AOAH: variants seen among roughly 807,000 people sequenced by gnomAD.
The protein encoded by AOAH is acyloxyacyl hydrolase (neutrophil).
A neutral mutation model predicts 92.2 loss-of-function variants in AOAH; 64 were observed. That is an observed-to-expected ratio of 0.69 (90% CI 0.57 to 0.86). The LOEUF (loss-of-function observed/expected upper bound fraction) is 0.86. Ranked by LOEUF, AOAH falls within the 40% of genes least tolerant of loss-of-function variation. The probability of loss-of-function intolerance (pLI) is 0.00; values close to 1 mark genes in which losing one functional copy is unlikely to be tolerated. For synonymous variants in AOAH, 263 were observed against 254.5 expected, an observed-to-expected ratio of 1.03 and a Z score of -0.32; for missense variants, 656 against 694.6, an observed-to-expected ratio of 0.94 and a Z score of 0.62.
At chr7:36,678,221 A>T (rs4555998) in intron 2 of AOAH, among the ~76,000 whole-genome samples, 73,729 of 151,972 alleles carry the variant, frequency 0.49, 19,124 homozygotes, top group East Asian at 0.57. Context: ...GTATACTCAG[A>T]GACCTGCATT....
intron 1 of AOAH, among the ~76,000 whole-genome samples, chr7:36,688,851 A>ATGTATATGTATATG (rs1797208031): frequency 6.6e-6 from 1 of 152,034 alleles, no homozygotes; most frequent in African/African-American, 2.4e-5. Context: ...ATATGTGTAT[A>ATGTATATGTATATG]TGTATATGTG....
At chr7:36,707,506 A>G (rs10251228) in intron 1 of AOAH, among the ~76,000 whole-genome samples, 86,680 of 152,028 alleles carry the variant, frequency 0.57, 24,987 homozygotes, top group East Asian at 0.83. Context: ...AAACGGTGCC[A>G]ATAGACTTGT....
At chr7:36,576,475 G>T in intron 13 of AOAH, 99 bp downstream of exon 13, 1 of 717,272 alleles carries the variant, frequency 1.4e-6, no homozygotes, top group Non-Finnish European at 2.3e-6. Context: ...ATTTTATTCT[G>T]TGATCCTTGT....
chr7:36,615,531 A>G (rs73687575), intron 11 of AOAH, among the ~76,000 whole-genome samples: 418 of 152,246 alleles, frequency 2.7e-3, no homozygotes, highest in African/African-American at 9.2e-3. Flanking sequence ...CAGGTGACCC[A>G]TCTGATACCA....
At chr7:36,673,881 G>T in intron 3 of AOAH, 62 bp downstream of exon 3, 2 of 1,230,264 alleles carry the variant, frequency 1.6e-6, no homozygotes, top group Non-Finnish European at 2.4e-6. Context: ...CCACCTCCCA[G>T]TTTTCTTGTT....
intron 1 of AOAH, among the ~76,000 whole-genome samples, chr7:36,702,642 T>C (rs1798097934): frequency 6.6e-6 from 1 of 152,174 alleles, no homozygotes; most frequent in Non-Finnish European, 1.5e-5. Flanking sequence ...ACAATGTACA[T>C]ATCTTAATTT....
chr7:36,686,431 AAAC>A (rs1797011819), intron 2 of AOAH, among the ~76,000 whole-genome samples: 1 of 152,234 alleles, frequency 6.6e-6, no homozygotes, highest in Admixed American at 6.5e-5. Context: ...GTAACACATC[AAAC>A]AACAATTGGC....
intron 2 of AOAH, among the ~76,000 whole-genome samples, chr7:36,676,024 G>A (rs1429465472): frequency 2.6e-5 from 4 of 152,128 alleles, no homozygotes; most frequent in Non-Finnish European, 5.9e-5. Context: ...GATATTTAGT[G>A]GTGAAAAATT....
intron 20 of AOAH, among the ~76,000 whole-genome samples, chr7:36,517,930 CCCACACACACACACCCA>C (rs1783892138): frequency 1.1e-4 from 5 of 45,542 alleles, no homozygotes; most frequent in Admixed American, 7.0e-4. Flanking sequence ...CACACACACA[CCCACACACACACACCCA>C]CACACACACA....
At chr7:36,635,668 C>G (rs566119772) in intron 5 of AOAH, among the ~76,000 whole-genome samples, 2 of 152,076 alleles carry the variant, frequency 1.3e-5, no homozygotes, top group South Asian at 4.2e-4. Context: ...AAATGGTGCT[C>G]CCCAAAGTTT....
chr7:36,672,167 G>A (rs1201764895), intron 3 of AOAH, among the ~76,000 whole-genome samples: 2 of 152,128 alleles, frequency 1.3e-5, no homozygotes, highest in East Asian at 1.9e-4. Flanking sequence ...GAGCGAGATC[G>A]CTATTAAGAG....
chr7:36,689,154 C>G (rs1210196385), intron 1 of AOAH, among the ~76,000 whole-genome samples: 4 of 152,100 alleles, frequency 2.6e-5, no homozygotes, highest in Non-Finnish European at 5.9e-5. Flanking sequence ...CCTCTCTGTT[C>G]CAGTCTCCAC....
chr7:36,631,070 G>A (rs1793042956), intron 6 of AOAH, among the ~76,000 whole-genome samples: 1 of 152,232 alleles, frequency 6.6e-6, no homozygotes, highest in South Asian at 2.1e-4. Context: ...AATGGGATGG[G>A]CTTGGTGGCT....
Position 36,637,924 on chromosome 7 carries a change from G to C in AOAH, c.391-14C>G. On this transcript the variant is annotated splice_polypyrimidine_tract_variant and intron_variant, in intron 4 of 20. Coordinates refer to ENST00000617537, the MANE Select transcript of AOAH (RefSeq NM_001637.4). ...TTTCCATGTCTCCTATAAAAACAAAGTTAGAGAACATTACAACTCATGTTT... is the reference window on the plus strand; with the variant it reads ...TTTCCATGTCTCCTATAAAAACAAACTTAGAGAACATTACAACTCATGTTT... 1.3e-6 allele frequency: 2 copies of C among 1,599,464 alleles called. No homozygotes were observed. Among genetic ancestry groups the C allele is most frequent in the Non-Finnish European group, 1.7e-6 (2 of 1,166,840 alleles).
At chr7:36,659,368 C>A in intron 3 of AOAH, 103 bp from the exon 4 acceptor site, 5 of 913,864 alleles carry the variant, frequency 5.5e-6, no homozygotes, top group Non-Finnish European at 8.8e-6. Context: ...GATTCTAATA[C>A]CCTCAACTCC....
At chr7:36,525,862 T>C (rs1784371648) in intron 19 of AOAH, among the ~76,000 whole-genome samples, 1 of 152,182 alleles carries the variant, frequency 6.6e-6, no homozygotes, top group South Asian at 2.1e-4. Flanking sequence ...GACCATTCCC[T>C]TCTCCTTCCC....
At chr7:36,670,677 A>G (rs545177332) in intron 3 of AOAH, among the ~76,000 whole-genome samples, 48 of 152,144 alleles carry the variant, frequency 3.2e-4, no homozygotes, top group Admixed American at 1.4e-3. Context: ...GGGTTTCACC[A>G]TGTTGGCCAG....
intron 1 of AOAH, among the ~76,000 whole-genome samples, chr7:36,691,050 T>C (rs572970876): frequency 1.2e-4 from 18 of 152,358 alleles, no homozygotes; most frequent in Non-Finnish European, 2.2e-4. Context: ...ACCTGGCAGT[T>C]GTCAGAGCCA....
intron 13 of AOAH, among the ~76,000 whole-genome samples, chr7:36,564,224 C>T (rs1562573184): frequency 1.3e-5 from 2 of 152,152 alleles, no homozygotes; most frequent in Non-Finnish European, 2.9e-5. Flanking sequence ...CAAATTTTAA[C>T]TCGTATGTAA....
Sources: gnomAD v4.1 joint callset for allele counts (sites outside exome capture counted in the v4.1 genomes callset) on GRCh38, gnomAD v4.1.1 for gene constraint, MANE v1.5 for transcripts, NCBI Gene and HGNC (gene_info 2026-07-23, HGNC 2026-07-21) for gene names.